NKAIN2: variants seen among roughly 807,000 people sequenced by gnomAD.
NKAIN2 encodes the protein sodium/potassium transporting ATPase interacting 2, also known as sodium/potassium-transporting ATPase subunit beta-1-interacting protein 2.
In NKAIN2, 14 loss-of-function variants were observed where a neutral mutation model predicts 32.6. That is an observed-to-expected ratio of 0.43 (90% confidence interval 0.28 to 0.67). The LOEUF (loss-of-function observed/expected upper bound fraction) is 0.67. Ranked by LOEUF, NKAIN2 falls within the 30% of genes least tolerant of loss-of-function variation. The pLI is 0.17. For missense variants in NKAIN2, 198 were observed against 258.3 expected (o/e 0.77, Z 1.60); for synonymous variants, 80 against 87.2 (o/e 0.92, Z 0.46).
chr6:124,122,698 A>C (rs1785941001), intron 1 of NKAIN2, among the ~76,000 whole-genome samples: 1 of 152,112 alleles, frequency 6.6e-6, no homozygotes, highest in Non-Finnish European at 1.5e-5. Flanking sequence ...ATTTTAAATC[A>C]TTGTCACAAG....
chr6:123,883,424 C>T (rs1383133135), intron 1 of NKAIN2, among the ~76,000 whole-genome samples: 1 of 151,952 alleles, frequency 6.6e-6, no homozygotes, highest in Non-Finnish European at 1.5e-5. Context: ...GGATTACAGG[C>T]GTGAGCCACT....
intron 1 of NKAIN2, among the ~76,000 whole-genome samples, chr6:124,182,750 G>A (rs1381006663): frequency 2.6e-5 from 4 of 152,126 alleles, no homozygotes; most frequent in African/African-American, 7.2e-5. Context: ...CAGATGGTAA[G>A]TGTATTTTAT....
chr6:124,177,232 A>C (rs1300324538), intron 1 of NKAIN2, among the ~76,000 whole-genome samples: 1 of 152,226 alleles, frequency 6.6e-6, no homozygotes, highest in Non-Finnish European at 1.5e-5. Context: ...GAAAACAAAA[A>C]AGCATTCGAT....
At chr6:123,936,722 T>C (rs1289918325) in intron 1 of NKAIN2, among the ~76,000 whole-genome samples, 2 of 152,132 alleles carry the variant, frequency 1.3e-5, no homozygotes, top group Non-Finnish European at 2.9e-5. Flanking sequence ...GTGTTGTTAT[T>C]TGTGTGCCAC....
At chr6:124,116,553 T>G (rs1172349302) in intron 1 of NKAIN2, among the ~76,000 whole-genome samples, 1 of 152,160 alleles carries the variant, frequency 6.6e-6, no homozygotes, top group African/African-American at 2.4e-5. Flanking sequence ...TCCTAAAAAC[T>G]TGGATGCAAT....
chr6:124,337,465 C>G (rs1797926076), intron 2 of NKAIN2, among the ~76,000 whole-genome samples: 1 of 152,184 alleles, frequency 6.6e-6, no homozygotes, highest in Non-Finnish European at 1.5e-5. Context: ...CGAGATTGCT[C>G]CACTGCACTC....
chr6:124,635,215 C>T (rs1038152918), intron 3 of NKAIN2, among the ~76,000 whole-genome samples: 4 of 151,680 alleles, frequency 2.6e-5, no homozygotes, highest in Admixed American at 1.3e-4. Context: ...ATCAGACCAG[C>T]CATACAAAAA....
intron 5 of NKAIN2, among the ~76,000 whole-genome samples, chr6:124,815,840 T>C (rs1039931617): frequency 6.6e-6 from 1 of 152,182 alleles, no homozygotes; most frequent in Non-Finnish European, 1.5e-5. Context: ...TGAGGGGCTC[T>C]TAATTTTCTT....
At chr6:123,838,214 G>A (rs1026403118) in intron 1 of NKAIN2, among the ~76,000 whole-genome samples, 1 of 151,960 alleles carries the variant, frequency 6.6e-6, no homozygotes, top group Non-Finnish European at 1.5e-5. Context: ...AGACAAATAC[G>A]ATGTTTTAAT....
At chr6:124,444,170 T>C (rs952636416) in intron 3 of NKAIN2, among the ~76,000 whole-genome samples, 7 of 152,204 alleles carry the variant, frequency 4.6e-5, no homozygotes, top group Non-Finnish European at 8.8e-5. Flanking sequence ...ATAGTTGATA[T>C]AGAATAAAGG....
intron 1 of NKAIN2, among the ~76,000 whole-genome samples, chr6:123,894,896 C>G (rs1774199044): frequency 6.6e-6 from 1 of 152,028 alleles, no homozygotes; most frequent in Non-Finnish European, 1.5e-5. Context: ...ATATATCAGT[C>G]AGGCTAAATT....
chr6:124,581,232 G>A (rs928171525), intron 3 of NKAIN2, among the ~76,000 whole-genome samples: 3 of 152,090 alleles, frequency 2.0e-5, no homozygotes, highest in South Asian at 2.1e-4. Context: ...GAGGTCACGA[G>A]ATCGAGACCA....
intron 1 of NKAIN2, among the ~76,000 whole-genome samples, chr6:124,074,724 T>G (rs995415022): frequency 6.6e-6 from 1 of 152,194 alleles, no homozygotes; most frequent in Admixed American, 6.5e-5. Context: ...CACCAAAATC[T>G]TAATCCTTGT....
chr6:124,626,524 A>AT (rs773267645), intron 3 of NKAIN2, among the ~76,000 whole-genome samples: 1 of 152,142 alleles, frequency 6.6e-6, no homozygotes, highest in Non-Finnish European at 1.5e-5. Flanking sequence ...TTTAGTACAC[A>AT]TTTAAGGATG....
At chr6:123,966,362 A>G (rs1490880396) in intron 1 of NKAIN2, among the ~76,000 whole-genome samples, 1 of 152,078 alleles carries the variant, frequency 6.6e-6, no homozygotes, top group African/African-American at 2.4e-5. Context: ...TCCTTCCCCC[A>G]GTATTTTGAG....
At chr6:123,884,889 C>T (rs1011129530) in intron 1 of NKAIN2, among the ~76,000 whole-genome samples, 1 of 152,050 alleles carries the variant, frequency 6.6e-6, no homozygotes, top group Non-Finnish European at 1.5e-5. Context: ...TTAACAGTGT[C>T]TATATTTTTA....
At chr6:124,209,585 G>A (rs1054028759) in intron 1 of NKAIN2, among the ~76,000 whole-genome samples, 4 of 151,626 alleles carry the variant, frequency 2.6e-5, no homozygotes, top group African/African-American at 9.7e-5. Flanking sequence ...AGTATACAAG[G>A]GTTACCCTTT....
rs530910414 is a variant in NKAIN2 at position 124,359,397 on chromosome 6, C to T, written c.273+4050C>T. 1.3e-5 allele frequency among the ~76,000 whole-genome samples: 2 copies of T among 152,206 alleles called. 1 individual carries two copies. The highest frequency in any genetic ancestry group is 4.2e-4 in the South Asian group (2 of 4,816). ...ATTTTCACGATATTGATTCTTCTTA[C>T]GCATGAGCATGGAATGTTCTTCCAT... On this transcript the variant is annotated intron_variant, in intron 3 of 6. Transcript: ENST00000368417.
intron 1 of NKAIN2, among the ~76,000 whole-genome samples, chr6:124,173,630 A>G (rs1789007887): frequency 6.6e-6 from 1 of 152,160 alleles, no homozygotes; most frequent in African/African-American, 2.4e-5. Flanking sequence ...TATTTCTAAA[A>G]TTATACTTAA....
Sources: gnomAD v4.1 joint callset for allele counts (sites outside exome capture counted in the v4.1 genomes callset) on GRCh38, gnomAD v4.1.1 for gene constraint, MANE v1.5 for transcripts, NCBI Gene and HGNC (gene_info 2026-07-23, HGNC 2026-07-21) for gene names.